STK3: variants seen among roughly 807,000 people sequenced by gnomAD.
STK3 encodes serine/threonine kinase 3, also known as serine/threonine-protein kinase 3.
STK3 carries 41 observed loss-of-function variants against 58.0 expected under a neutral mutation model. That is an observed-to-expected ratio of 0.71 (90% confidence interval 0.55 to 0.92). STK3 has a LOEUF of 0.92. Ranked by LOEUF, STK3 falls within the 40% of genes least tolerant of loss-of-function variation. STK3 has a pLI of 0.00. For missense variants in STK3, 479 were observed against 602.7 expected (o/e 0.79, Z 2.15); for synonymous variants, 170 against 191.0 (o/e 0.89, Z 0.91).
chr8:98,652,691 G>A lies in STK3; in HGVS notation c.684+53776C>T, dbSNP rs1821060553. 2.0e-5 allele frequency among the ~76,000 whole-genome samples: 3 copies of A among 148,798 alleles called. No homozygotes were observed. The Admixed American group carries it at 2.0e-4, about 10-fold the overall frequency. On this transcript the variant is annotated intron_variant, in intron 6 of 10. Coordinates refer to ENST00000419617, the MANE Select transcript of STK3 (RefSeq NM_006281.4). ...GGCAGGGGTTGCAATCCTAGTCTCT[G>A]ATAAAACAGACTTTAAACCAACAAA...
intron 1 of STK3, among the ~76,000 whole-genome samples, chr8:98,386,998 A>G (rs147565385): frequency 2.6e-4 from 40 of 152,342 alleles, no homozygotes; most frequent in African/African-American, 9.1e-4. Flanking sequence ...AATGCTTTAC[A>G]TAATTATAAA....
At chr8:98,798,271 C>T (rs192699347) in intron 1 of STK3, among the ~76,000 whole-genome samples, 27 of 152,236 alleles carry the variant, frequency 1.8e-4, no homozygotes, top group East Asian at 3.9e-4. Flanking sequence ...CCAGTAAACA[C>T]GAGAATTTTC....
chr8:98,754,620 G>A (rs1038951996), intron 3 of STK3, among the ~76,000 whole-genome samples: 4 of 151,490 alleles, frequency 2.6e-5, no homozygotes, highest in East Asian at 1.9e-4. Flanking sequence ...AGTGATTCTC[G>A]TGCCTCAACC....
intron 3 of STK3, chr8:98,412,997 T>C: frequency 8.9e-6 from 2 of 224,792 alleles, no homozygotes; most frequent in Non-Finnish European, 8.8e-6. Context: ...CCTTCTGATA[T>C]CATTTTGCTT....
At chr8:98,431,985 C>T (rs1425676977) in intron 3 of STK3, 1 of 167,082 alleles carries the variant, frequency 6.0e-6, no homozygotes, top group African/African-American at 2.4e-5. Flanking sequence ...ACCCGGCTGG[C>T]TTAAACCCTG....
At chr8:98,705,525 G>A (rs1373878753) in intron 6 of STK3, among the ~76,000 whole-genome samples, 1 of 151,784 alleles carries the variant, frequency 6.6e-6, no homozygotes, top group Non-Finnish European at 1.5e-5. Context: ...AACCCACAAT[G>A]GCATTATAAT....
chr8:98,830,328 G>C (rs1339438109), upstream of STK3, among the ~76,000 whole-genome samples: 1 of 152,200 alleles, frequency 6.6e-6, no homozygotes, highest in Non-Finnish European at 1.5e-5. Flanking sequence ...TAAGGAAGTG[G>C]AGGCCAGAGC....
intron 6 of STK3, among the ~76,000 whole-genome samples, chr8:98,635,013 G>A (rs554944842): frequency 2.0e-5 from 3 of 152,092 alleles, no homozygotes; most frequent in East Asian, 3.9e-4. Context: ...CAAGGAGCAC[G>A]TGAGCCTGTA....
At chr8:98,543,406 G>A (rs1169567970) in intron 9 of STK3, among the ~76,000 whole-genome samples, 1 of 152,076 alleles carries the variant, frequency 6.6e-6, no homozygotes, top group African/African-American at 2.4e-5. Context: ...TGGAGGCAGA[G>A]GATCAGTTTA....
rs1365893956 is a variant in STK3 at position 98,934,129 on chromosome 8, A to T, written c.-79+8249T>A. On this transcript the variant is annotated intron_variant, in intron 1 of 1. Coordinates refer to the STK3 transcript ENST00000519420. ...TAAAAAGGCCATTCCTGCCTTTAGC[A>T]GTTGCCGACCAAGTCTGCTTTATAT... 3.3e-5 allele frequency among the ~76,000 whole-genome samples: 5 copies of T among 152,218 alleles called. No homozygotes were observed. In the East Asian group the frequency reaches 9.6e-4, roughly 29 times the overall value.
At chr8:98,673,193 T>C (rs1225523396) in intron 6 of STK3, among the ~76,000 whole-genome samples, 1 of 152,246 alleles carries the variant, frequency 6.6e-6, no homozygotes, top group African/African-American at 2.4e-5. Flanking sequence ...TGTTCAGTCA[T>C]ACTTAGGATC....
downstream of STK3, among the ~76,000 whole-genome samples, chr8:98,398,027 T>C (rs1194842834): frequency 6.6e-6 from 1 of 152,158 alleles, no homozygotes; most frequent in Non-Finnish European, 1.5e-5. Flanking sequence ...AATGGACTAA[T>C]ATAGCCTACC....
intron 1 of STK3, among the ~76,000 whole-genome samples, chr8:98,781,778 T>C (rs1832104840): frequency 6.6e-6 from 1 of 151,322 alleles, no homozygotes; most frequent in African/African-American, 2.4e-5. Flanking sequence ...AAATGTAAAA[T>C]TAACAATGTC....
intron 6 of STK3, among the ~76,000 whole-genome samples, chr8:98,611,595 T>G (rs1817204815): frequency 6.6e-6 from 1 of 152,106 alleles, no homozygotes; most frequent in Non-Finnish European, 1.5e-5. Flanking sequence ...AAAAAAAAAT[T>G]CATATATTAG....
At chr8:98,651,431 T>C (rs1198996476) in intron 6 of STK3, 6 of 152,182 alleles carry the variant, frequency 3.9e-5, no homozygotes, top group African/African-American at 1.4e-4. Flanking sequence ...AAAAGCAGAG[T>C]GCCTATCCTC....
At chr8:98,840,597 A>ATG in intron 3 of STK3, among the ~76,000 whole-genome samples, 1 of 59,086 alleles carries the variant, frequency 1.7e-5, no homozygotes, top group Non-Finnish European at 4.1e-5. Flanking sequence ...ATATATATAT[A>ATG]TATATATATA....
chr8:98,646,922 C>T (rs1820439561), intron 6 of STK3, among the ~76,000 whole-genome samples: 1 of 152,148 alleles, frequency 6.6e-6, no homozygotes, highest in Non-Finnish European at 1.5e-5. Flanking sequence ...TTTGCCCACC[C>T]CGCCCCCACA....
chr8:98,743,002 A>G (rs971961607), intron 4 of STK3, among the ~76,000 whole-genome samples: 7 of 151,998 alleles, frequency 4.6e-5, no homozygotes, highest in African/African-American at 1.7e-4. Flanking sequence ...AGAATAAAAT[A>G]CCTAGGAATC....
chr8:98,409,639 T>A (rs950376221), intron 3 of STK3, among the ~76,000 whole-genome samples: 8 of 152,264 alleles, frequency 5.3e-5, no homozygotes, highest in African/African-American at 1.9e-4. Flanking sequence ...AATTTTGCAA[T>A]GTGAATTTTC....
Sources: allele counts gnomAD v4.1 joint callset (sites outside exome capture counted in the v4.1 genomes callset), GRCh38; gene constraint gnomAD v4.1.1; transcripts MANE v1.5; gene names NCBI Gene and HGNC (gene_info 2026-07-23, HGNC 2026-07-21).